The following CIC variants were observed in gnomAD, a reference collection of about 807,000 sequenced individuals.
The protein encoded by CIC is protein capicua homolog.
Under a neutral mutation model 115.7 loss-of-function variants are expected in CIC, and 18 were observed. The ratio of observed to expected loss-of-function variants is 0.16; its 90% CI spans 0.11 to 0.23. The LOEUF is 0.23. CIC is among the 10% of genes least tolerant of loss of function. The pLI is 1.00. For synonymous variants in CIC, 1,076 were observed against 923.0 expected (o/e 1.17, Z -3.01); for missense variants, 2,000 against 2,159.3 (o/e 0.93, Z 1.46).
At chr19:42,286,063 G>T (rs1178173371) in intron 2 of CIC, among the ~76,000 whole-genome samples, 9 of 152,232 alleles carry the variant, frequency 5.9e-5, no homozygotes, top group Admixed American at 5.9e-4. Flanking sequence ...AAGCCGAGGG[G>T]CTGATGGGGA....
chr19:42,270,025 G>C lies in CIC; in HGVS notation c.-11+644G>C, dbSNP rs1256019691. Among the ~76,000 whole-genome samples the C allele has an allele frequency of 6.6e-6, 1 of 152,154 alleles. No homozygotes were observed. Among genetic ancestry groups the C allele is most frequent in the Non-Finnish European group, 1.5e-5 (1 of 68,026 alleles). On this transcript the variant is annotated intron_variant, in intron 1 of 20. Coordinates refer to ENST00000681038, the MANE Select transcript of CIC (RefSeq NM_001386298.1). This position sits in a 1 kb window ranked among gnomAD's most constrained non-coding sequence, Gnocchi z 4.1. ...GAGAGTAGGCCCTAGGGGAAAGAAA[G>C]CAGCTCTGGGGCGAAGAGAGGCTGG...
chr19:42,279,605 G>A (rs1047347792), intron 2 of CIC, among the ~76,000 whole-genome samples: 1 of 152,258 alleles, frequency 6.6e-6, no homozygotes, highest in African/African-American at 2.4e-5. Context: ...AGTTGAGGCT[G>A]GAGCTGACAC....
In CIC at chr19:42,290,262, G is replaced by A; in HGVS notation, c.4221G>A (p.Val1407=). The A allele has an allele frequency of 6.2e-7, 1 of 1,614,080 alleles. No individual in the cohort carries two copies. The highest frequency in any genetic ancestry group is 1.1e-5 in the South Asian group (1 of 91,084). ...KGFGRKVFSP[V]IRSSFTHCRP... Reference sequence around the variant, plus strand: ...TTGGTCGGAAGGTGTTTTCACCTGTGATCCGTTCCTCCTTTACCCACTGCC... The same window carrying A: ...TTGGTCGGAAGGTGTTTTCACCTGTAATCCGTTCCTCCTTTACCCACTGCC... The change falls in exon 11 of 21, where the codon GTG becomes GTA. Residue 1407 remains valine, a synonymous_variant. Transcript: ENST00000681038.
At chr19:42,279,807 G>GGCTT (rs2037139346) in intron 2 of CIC, among the ~76,000 whole-genome samples, 1 of 152,220 alleles carries the variant, frequency 6.6e-6, no homozygotes, top group African/African-American at 2.4e-5. Context: ...GGAAGAAGAT[G>GGCTT]GCTTGGGGAA....
chr19:42,277,679 C>T (rs1182762068), intron 2 of CIC, among the ~76,000 whole-genome samples: 2 of 152,242 alleles, frequency 1.3e-5, no homozygotes, highest in African/African-American at 2.4e-5. Flanking sequence ...TCATCAGCTC[C>T]GCCTGATGCT....
chr19:42,292,559 C>G lies in CIC; in HGVS notation c.5903-7C>G. 1 of 1,613,016 alleles carries G rather than the reference C, an allele frequency of 6.2e-7. No individual in the cohort carries two copies. The highest frequency in any genetic ancestry group is 8.5e-7 in the Non-Finnish European group (1 of 1,179,862). ...TGGTCTCCTGCTTCTTCTTCTCTGT[C>G]TTTCAGCAGGCCAAGCCCCACTGCT... On this transcript the variant is annotated splice_region_variant and splice_polypyrimidine_tract_variant and intron_variant, in intron 14 of 20. Coordinates refer to ENST00000681038, the MANE Select transcript of CIC (RefSeq NM_001386298.1).
chr19:42,282,369 G>A (rs559605251), intron 2 of CIC, among the ~76,000 whole-genome samples: 2 of 152,324 alleles, frequency 1.3e-5, no homozygotes, highest in South Asian at 4.1e-4. Context: ...CTGTGTAAGA[G>A]CCCAGTCTTG....
intron 2 of CIC, chr19:42,284,508 G>A (rs1317384812): frequency 5.9e-5 from 9 of 151,702 alleles, no homozygotes; most frequent in Non-Finnish European, 1.1e-4. Context: ...GAGGCAGGCG[G>A]CGCTGTGCGC....
chr19:42,291,434 T>A lies in CIC; in HGVS notation c.5393T>A (p.Leu1798Gln). The A allele has an allele frequency of 6.2e-7, 1 of 1,613,008 alleles. No individual in the cohort carries two copies. Among genetic ancestry groups the A allele is most frequent in the Non-Finnish European group, 8.5e-7 (1 of 1,179,964 alleles). Residue 1798 changes from leucine to glutamine, a missense_variant, in exon 11 of 21, where the codon CTG becomes CAG. Transcript: ENST00000681038. ...GCACCCACTCCTGGCATCCCCATCC[T>A]GCAGTCTGTACCCTCCGCCCCACCC... ...ATAPTPGIPI[L>Q]QSVPSAPPPK...
chr19:42,290,735 C>T lies in CIC; in HGVS notation c.4694C>T (p.Ala1565Val), dbSNP rs1568514975. 2 of 1,612,596 alleles carry T rather than the reference C, an allele frequency of 1.2e-6. No homozygotes were observed. The highest frequency in any genetic ancestry group is 4.5e-5 in the East Asian group (2 of 44,856). ...CCCTCCGCCCCCGCCCCATCACTGG[C>T]CTATGGGGCCCCAGCAGCTCCCCTG... ...RVPSAPAPSLAYGAPAAPLSR... is the reference protein window; with the variant it reads ...RVPSAPAPSLVYGAPAAPLSR... The change falls in exon 11 of 21, where the codon GCC becomes GTC. Residue 1565 changes from alanine (A) to valine (V), a missense_variant. This residue lies in a region of CIC where 1,466 missense variants were observed against 1,390.4 expected (regional missense o/e 1.05). Transcript: ENST00000681038.
rs1171833543 is a variant in CIC at position 42,295,769 on chromosome 19, A to G, written c.*578A>G. On this transcript the variant is annotated 3_prime_UTR_variant, in exon 21 of 21. Transcript: ENST00000681038. ...TTTCTTACTGTGCCGAGAAGCCGCA[A>G]TGAGCGAGATTAAAGCTGTTTAACA... 1.4e-5 allele frequency: 3 copies of G among 210,424 alleles called. No homozygotes were observed. Among genetic ancestry groups the G allele is most frequent in the Non-Finnish European group, 2.9e-5 (3 of 103,584 alleles). 13.0% of individuals were successfully genotyped at this position (210,424 alleles called of 1,614,324 possible).
rs906710958 is a variant in CIC, at chr19:42,274,430, A to G, written c.2647A>G (p.Met883Val). ...PAAPTAVAQP[M>V]PAFGLASSPF... ...TGCACCAACTGCCGTGGCCCAGCCGATGCCCGCCTTTGGCCTGGCTTCTTC... is the reference window on the plus strand; with the variant it reads ...TGCACCAACTGCCGTGGCCCAGCCGGTGCCCGCCTTTGGCCTGGCTTCTTC... Residue 883 changes from methionine (M) to valine (V), a missense_variant, in exon 2 of 21, where the codon ATG (methionine) becomes GTG (valine). By Grantham distance (21) the Met-to-Val change is conservative. Coordinates refer to ENST00000681038, the MANE Select transcript of CIC (RefSeq NM_001386298.1). 4 of 398,868 alleles carry G rather than the reference A, an allele frequency of 1.0e-5. No homozygotes were observed. The Admixed American group carries it at 1.8e-4, about 18-fold the overall frequency. 24.7% of individuals were successfully genotyped at this position (398,868 alleles called of 1,614,324 possible). A position where few individuals can be genotyped will look rare whatever the true frequency, so the allele number is the denominator to read the frequency against.
intron 1 of CIC, among the ~76,000 whole-genome samples, chr19:42,269,638 G>A (rs1158960548): frequency 1.3e-5 from 2 of 151,568 alleles, no homozygotes; most frequent in African/African-American, 4.9e-5. Flanking sequence ...AGAGGGAGGG[G>A]ACAGAGTTGG....
intron 2 of CIC, 88 bp from the exon 3 acceptor site, chr19:42,286,683 G>A: frequency 6.4e-7 from 1 of 1,568,478 alleles, no homozygotes; most frequent in South Asian, 1.1e-5. Context: ...AAAGGGGTGG[G>A]GCTACCTCAT....
chr19:42,290,083 G>A (rs910810401), intron 10 of CIC, 132 bp downstream of exon 10: 65 of 1,401,680 alleles, frequency 4.6e-5, no homozygotes, highest in Non-Finnish European at 6.4e-5. Flanking sequence ...GTGGGGAGTT[G>A]GGTCATAGTC....
In CIC at chr19:42,280,585, G is replaced by A. The variant is rs997103094; in HGVS notation, c.2794+6008G>A. ...GCTGCCGCGTCCTCGGGCTGGGTGGGGTACCCTCCCTCCCACCGCAGACAG... is the reference window on the plus strand; with the variant it reads ...GCTGCCGCGTCCTCGGGCTGGGTGGAGTACCCTCCCTCCCACCGCAGACAG... On this transcript the variant is annotated intron_variant, in intron 2 of 20. Coordinates refer to ENST00000681038, the MANE Select transcript of CIC (RefSeq NM_001386298.1). This position sits in a 1 kb window ranked among gnomAD's most constrained non-coding sequence, Gnocchi z 4.9. Among the ~76,000 whole-genome samples, 1 of 152,134 alleles carries A rather than the reference G, an allele frequency of 6.6e-6. No individual in the cohort carries two copies. Among genetic ancestry groups the A allele is most frequent in the African/African-American group, 2.4e-5 (1 of 41,434 alleles).
Position 42,295,308 on chromosome 19 carries a change from CG to C in CIC, c.*119del. The C allele has an allele frequency of 1.1e-6, 1 of 888,720 alleles. No individual in the cohort carries two copies. The highest frequency in any genetic ancestry group is 1.7e-6 in the Non-Finnish European group (1 of 580,562). The allele number at this position is 888,720 out of a possible 1,614,324, so 55.1% of individuals were successfully genotyped here. Reference sequence around the variant, plus strand: ...CCATTTCGTCCTCTCCAGTTTGGGGCGGAATGAGGCCTGCTCCTCTTGTAAA... The same window carrying C: ...CCATTTCGTCCTCTCCAGTTTGGGGCGAATGAGGCCTGCTCCTCTTGTAAA... On this transcript the variant is annotated 3_prime_UTR_variant, in exon 21 of 21. Transcript: ENST00000681038.
At chr19:42,283,254 G>A (rs1219165672) in intron 2 of CIC, among the ~76,000 whole-genome samples, 4 of 152,062 alleles carry the variant, frequency 2.6e-5, no homozygotes, top group African/African-American at 9.7e-5. Context: ...GCAGGGCTAT[G>A]CTGAGTTCCT....
At chr19:42,288,207 G>A (rs1331701273) in intron 7 of CIC, among the ~76,000 whole-genome samples, 2 of 152,202 alleles carry the variant, frequency 1.3e-5, no homozygotes, top group African/African-American at 2.4e-5. Context: ...GTTGTTTAAC[G>A]AGTGTTTACT....
Sources: gnomAD v4.1 joint callset for allele counts (sites outside exome capture counted in the v4.1 genomes callset) on GRCh38, gnomAD v4.1.1 for gene constraint, gnomAD v4.1.1 regional missense constraint, Gnocchi (gnomAD v3.1) non-coding constraint, MANE v1.5 for transcripts, NCBI Gene and HGNC (gene_info 2026-07-23, HGNC 2026-07-21) for gene names.